Variants in BCAS3 observed in about 807,000 individuals in gnomAD.
BCAS3 encodes the protein BCAS4/BCAS3 fusion.
Under a neutral mutation model 116.1 loss-of-function variants are expected in BCAS3, and 53 were observed. The observed-to-expected ratio is 0.46, with a 90% CI of 0.37 to 0.57. BCAS3 has a LOEUF of 0.57. Among genes scored for constraint, BCAS3 ranks in the 20% least tolerant of loss-of-function variants. BCAS3 has a pLI of 0.00. For synonymous variants in BCAS3, 391 were observed against 408.2 expected (o/e 0.96, Z 0.51); for missense variants, 917 against 1,165.4 (o/e 0.79, Z 3.10).
At chr17:60,985,167 CAG>C (rs1180985409) in intron 14 of BCAS3, among the ~76,000 whole-genome samples, 1 of 114,562 alleles carries the variant, frequency 8.7e-6, no homozygotes, top group African/African-American at 3.5e-5. Context: ...TTTTTTGAGA[CAG>C]AGTTTCACTC....
At chr17:61,216,240 G>A (rs187754243) in intron 22 of BCAS3, among the ~76,000 whole-genome samples, 6 of 152,116 alleles carry the variant, frequency 3.9e-5, no homozygotes, top group Admixed American at 1.3e-4. Context: ...AGTTCAGGAC[G>A]GCCTGAGACA....
chr17:60,865,336 G>T (rs1254930819), intron 7 of BCAS3, among the ~76,000 whole-genome samples: 1 of 152,158 alleles, frequency 6.6e-6, no homozygotes, highest in Non-Finnish European at 1.5e-5. Context: ...GGCCTGGTAG[G>T]ATTTTGATTG....
chr17:60,768,183 GTGGTATCTGTGAT>G (rs2044306282), intron 6 of BCAS3, among the ~76,000 whole-genome samples: 1 of 152,308 alleles, frequency 6.6e-6, no homozygotes, highest in Non-Finnish European at 1.5e-5. Flanking sequence ...AACAATATGA[GTGGTATCTGTGAT>G]TTCCTTGGTA....
chr17:61,303,710 A>G (rs2053626520), intron 22 of BCAS3, among the ~76,000 whole-genome samples: 2 of 152,046 alleles, frequency 1.3e-5, no homozygotes, highest in Admixed American at 6.5e-5. Flanking sequence ...GTCAGAGTTG[A>G]TATTTCCCCA....
chr17:61,154,936 G>A (rs1192798354), intron 22 of BCAS3, among the ~76,000 whole-genome samples: 2 of 151,120 alleles, frequency 1.3e-5, no homozygotes, highest in Non-Finnish European at 2.9e-5. Context: ...TTTGGTGGGG[G>A]GTGTTTGGCT....
At position 61,113,106 on chromosome 17, in the gene BCAS3, A is replaced by G. The variant is rs1329451559; in HGVS notation, c.2425+28542A>G. Among the ~76,000 whole-genome samples the G allele has an allele frequency of 1.3e-4, 8 of 60,876 alleles. 1 individual carries two copies. Among genetic ancestry groups the G allele is most frequent in the African/African-American group, 2.7e-4 (8 of 29,376 alleles). 39.9% of individuals were successfully genotyped at this position (60,876 alleles called of 152,430 possible). ...CAAAGCAGTGTGTAGAGGGAAATTT[A>G]TAGCACTAAATGCCCACAAGAGAAA... On this transcript the variant is annotated intron_variant, in intron 22 of 23. Transcript: ENST00000407086.
chr17:61,006,066 C>T (rs536708023), intron 15 of BCAS3, among the ~76,000 whole-genome samples: 13 of 151,830 alleles, frequency 8.6e-5, no homozygotes, highest in Admixed American at 2.6e-4. Flanking sequence ...TTTGTTCTTG[C>T]GATAGTTTAC....
intron 19 of BCAS3, among the ~76,000 whole-genome samples, chr17:61,050,664 T>G (rs1410288075): frequency 2.0e-5 from 3 of 151,982 alleles, no homozygotes; most frequent in Non-Finnish European, 4.4e-5. Flanking sequence ...ATATCAATAC[T>G]CATTAGTTAT....
intron 14 of BCAS3, among the ~76,000 whole-genome samples, chr17:60,958,544 G>C (rs953068362): frequency 6.6e-6 from 1 of 152,092 alleles, no homozygotes; most frequent in African/African-American, 2.4e-5. Flanking sequence ...TCAGAGTAAA[G>C]ACCTAAATAA....
intron 5 of BCAS3, among the ~76,000 whole-genome samples, chr17:60,736,263 C>A (rs946006793): frequency 6.6e-6 from 1 of 151,972 alleles, no homozygotes; most frequent in African/African-American, 2.4e-5. Context: ...AGGATTTTCA[C>A]ATCTATGTTC....
intron 22 of BCAS3, among the ~76,000 whole-genome samples, chr17:61,179,021 A>G (rs920572933): frequency 6.6e-6 from 1 of 152,124 alleles, no homozygotes. Context: ...ATCTAGTTTA[A>G]TGCACCAAGT....
chr17:61,041,787 T>A lies in BCAS3; in HGVS notation c.2029+895T>A, dbSNP rs2143036527. On this transcript the variant is annotated intron_variant, in intron 19 of 23. Transcript: ENST00000407086. The surrounding 1 kb of genome is among the most constrained non-coding windows in gnomAD (Gnocchi z 4.7). ...AGACTTTGCTCTCAAGTTATGAAAC[T>A]CTATAACTGTAATCAATAGTTGGCA... Among the ~76,000 whole-genome samples, 1 of 152,176 alleles carries A rather than the reference T, an allele frequency of 6.6e-6. No homozygotes were observed. The highest frequency in any genetic ancestry group is 1.9e-4 in the East Asian group (1 of 5,188).
rs767650864 is a variant in BCAS3 at position 61,122,732 on chromosome 17, CA to C, written c.2425+38174del. On this transcript the variant is annotated intron_variant, in intron 22 of 23. Transcript: ENST00000407086. The surrounding 1 kb of genome is among the most constrained non-coding windows in gnomAD (Gnocchi z 4.6). The stretch of plus-strand genomic sequence containing the variant: ...CACATAGACAAAAAACAAAACAAAA[CA>C]AAAAACCATCTCAGCAAAAATAAAT... 4.6e-5 allele frequency among the ~76,000 whole-genome samples: 7 copies of C among 151,990 alleles called. No homozygotes were observed. The highest frequency in any genetic ancestry group is 1.0e-4 in the Non-Finnish European group (7 of 67,970).
intron 5 of BCAS3, among the ~76,000 whole-genome samples, chr17:60,716,954 T>G (rs2038685122): frequency 6.6e-6 from 1 of 152,172 alleles, no homozygotes; most frequent in South Asian, 2.1e-4. Flanking sequence ...AAAGTCATTC[T>G]CTTTGTGGAA....
chr17:61,267,736 A>C (rs1045632913), intron 22 of BCAS3, among the ~76,000 whole-genome samples: 1 of 151,682 alleles, frequency 6.6e-6, no homozygotes, highest in Non-Finnish European at 1.5e-5. Flanking sequence ...AAAAAAAAAA[A>C]AGAAAAGAAA....
intron 22 of BCAS3, among the ~76,000 whole-genome samples, chr17:61,318,460 C>T (rs1244897306): frequency 6.6e-6 from 1 of 152,154 alleles, no homozygotes; most frequent in African/African-American, 2.4e-5. Flanking sequence ...GCACCATCTC[C>T]CTCTCCCAGT....
At chr17:61,137,903 G>A (rs998236071) in intron 22 of BCAS3, among the ~76,000 whole-genome samples, 14 of 152,186 alleles carry the variant, frequency 9.2e-5, no homozygotes, top group African/African-American at 3.4e-4. Context: ...AGTCCACTGA[G>A]GAGCCACTGT....
In BCAS3 at chr17:61,007,989, A is replaced by G. The variant is rs1173656639; in HGVS notation, c.1487-7762A>G. ...TCAGTATTTTCTGTCTTTATTTGTC[A>G]CCCAAACTGTTTGTTGTGTTTATAG... On this transcript the variant is annotated intron_variant, in intron 15 of 23. Transcript: ENST00000407086. The surrounding 1 kb of genome is among the most constrained non-coding windows in gnomAD (Gnocchi z 4.3). Among the ~76,000 whole-genome samples, 1 of 151,890 alleles carries G rather than the reference A, an allele frequency of 6.6e-6. No individual in the cohort carries two copies. Among genetic ancestry groups the G allele is most frequent in the African/African-American group, 2.4e-5 (1 of 41,358 alleles).
At chr17:60,931,530 G>T (rs1032805253) in intron 13 of BCAS3, among the ~76,000 whole-genome samples, 1 of 152,076 alleles carries the variant, frequency 6.6e-6, no homozygotes, top group African/African-American at 2.4e-5. Flanking sequence ...GCCCACCTTG[G>T]CTTCCCAAAG....
Sources: gnomAD v4.1 joint callset for allele counts (sites outside exome capture counted in the v4.1 genomes callset) on GRCh38, gnomAD v4.1.1 for gene constraint, Gnocchi (gnomAD v3.1) non-coding constraint, MANE v1.5 for transcripts, NCBI Gene and HGNC (gene_info 2026-07-23, HGNC 2026-07-21) for gene names.